The following ATF7IP variants were observed in gnomAD, a reference collection of about 807,000 sequenced individuals.
ATF7IP encodes activating transcription factor 7 interacting protein.
ATF7IP carries 23 observed loss-of-function variants against 106.4 expected under a neutral mutation model. That is an observed-to-expected ratio of 0.22 (90% CI 0.16 to 0.31). The LOEUF (loss-of-function observed/expected upper bound fraction) is 0.31. ATF7IP is among the 10% of genes least tolerant of loss of function. The pLI, the probability that ATF7IP is intolerant of heterozygous loss-of-function variation, is 1.00. For synonymous variants in ATF7IP, 542 were observed against 539.0 expected (o/e 1.01, Z -0.08); for missense variants, 1,334 against 1,524.3 (o/e 0.88, Z 2.08).
In ATF7IP at chr12:14,475,873, G is replaced by C. The variant is rs1304058068; in HGVS notation, c.2863-17G>C. 3.8e-6 allele frequency: 6 copies of C among 1,596,476 alleles called. No homozygotes were observed. In the African/African-American group the frequency reaches 8.1e-5, roughly 22 times the overall value. ...GCCAGAGTTTTCTTTGTAAAATGTA[G>C]AAGTTTTGTTTTTCAGTGTGGAAAA... On this transcript the variant is annotated splice_polypyrimidine_tract_variant and intron_variant, in intron 10 of 14. Coordinates refer to ENST00000261168, the MANE Select transcript of ATF7IP (RefSeq NM_018179.5).
Position 14,500,792 on chromosome 12 carries a change from A to G in ATF7IP, c.*2719A>G, listed in dbSNP as rs893425529. 3 of 152,258 alleles carry G rather than the reference A, an allele frequency of 2.0e-5. No homozygotes were observed. Among genetic ancestry groups the G allele is most frequent in the African/African-American group, 7.2e-5 (3 of 41,476 alleles). 9.4% of individuals were successfully genotyped at this position (152,258 alleles called of 1,614,324 possible). On this transcript the variant is annotated 3_prime_UTR_variant, in exon 15 of 15. Transcript: ENST00000261168. ...GAAGAAAGCCCAGTAGAATAAAAAA[A>G]AAATTCATTAGCCTAGCCTATATTA...
chr12:14,425,351 C>T lies in ATF7IP; in HGVS notation c.1436C>T (p.Ser479Phe). 6.2e-7 allele frequency: 1 copy of T among 1,613,068 alleles called. No homozygotes were observed. Among genetic ancestry groups the T allele is most frequent in the Non-Finnish European group, 8.5e-7 (1 of 1,179,742 alleles). The part of the protein sequence containing the change: ...EKMESSFGSP[S>F]KQESSESLPK... ...ATGGAAAGTTCTTTTGGTTCACCAT[C>T]TAAACAAGAAAGTAGTGAGAGTTTG... Residue 479 changes from serine (S) to phenylalanine (F), a missense_variant, in exon 2 of 15, where the codon TCT becomes TTT. Physicochemically the swap from Ser to Phe is radical, Grantham distance 155. Around this residue, in one of 10 missense-constraint regions of ATF7IP, gnomAD observed 41 missense variants for 60.4 expected, o/e 0.68. Coordinates refer to ENST00000261168, the MANE Select transcript of ATF7IP (RefSeq NM_018179.5).
intron 9 of ATF7IP, 53 bp downstream of exon 9, chr12:14,461,186 G>C: frequency 6.7e-7 from 1 of 1,499,256 alleles, no homozygotes; most frequent in Non-Finnish European, 9.0e-7. Flanking sequence ...TAATAGCCTT[G>C]TAATGATTGA....
chr12:14,469,420 G>A (rs554912903), intron 10 of ATF7IP, among the ~76,000 whole-genome samples: 55 of 149,842 alleles, frequency 3.7e-4, no homozygotes, highest in African/African-American at 1.3e-3. Context: ...GTGAGCTGTA[G>A]TTAATTAGCA....
At chr12:14,491,234 T>G (rs760280802) in intron 13 of ATF7IP, among the ~76,000 whole-genome samples, 1 of 152,184 alleles carries the variant, frequency 6.6e-6, no homozygotes, top group Non-Finnish European at 1.5e-5. Context: ...TCAGGTCACT[T>G]GATAAATGGG....
At chr12:14,386,183 T>C (rs1443433045) in intron 1 of ATF7IP, among the ~76,000 whole-genome samples, 1 of 152,146 alleles carries the variant, frequency 6.6e-6, no homozygotes, top group Non-Finnish European at 1.5e-5. Context: ...TGTAGTATAT[T>C]TAAAAGAAAT....
At chr12:14,431,205 T>C (rs1942104742) in intron 2 of ATF7IP, among the ~76,000 whole-genome samples, 1 of 152,182 alleles carries the variant, frequency 6.6e-6, no homozygotes, top group Non-Finnish European at 1.5e-5. Context: ...TCAAAGTGTT[T>C]GGGATTACCA....
At chr12:14,366,670 G>A (rs1328544027) in intron 1 of ATF7IP, among the ~76,000 whole-genome samples, 9 of 152,082 alleles carry the variant, frequency 5.9e-5, no homozygotes, top group Non-Finnish European at 1.5e-5. Context: ...TACTGCTTCA[G>A]CTAGATTATT....
At chr12:14,439,840 A>AATCCATCCATCCATCC (rs34509750) in intron 5 of ATF7IP, among the ~76,000 whole-genome samples, 8 of 148,606 alleles carry the variant, frequency 5.4e-5, no homozygotes, top group East Asian at 4.0e-4. Flanking sequence ...CTCCAAAATA[A>AATCCATCCATCCATCC]ATCCATCCAT....
At chr12:14,470,342 T>C (rs1300960623) in intron 10 of ATF7IP, among the ~76,000 whole-genome samples, 1 of 152,234 alleles carries the variant, frequency 6.6e-6, no homozygotes, top group African/African-American at 2.4e-5. Context: ...CATGATTAGC[T>C]AAGTTTTTAA....
At chr12:14,458,281 C>T (rs1943508376) in intron 8 of ATF7IP, among the ~76,000 whole-genome samples, 1 of 152,032 alleles carries the variant, frequency 6.6e-6, no homozygotes, top group South Asian at 2.1e-4. Flanking sequence ...ATTAAGACAG[C>T]TAAAGATAGC....
Position 14,423,930 on chromosome 12 carries a change from A to G in ATF7IP, c.15A>G (p.Glu5=). 1 of 1,602,718 alleles carries G rather than the reference A, an allele frequency of 6.2e-7. No homozygotes were observed. Among genetic ancestry groups the G allele is most frequent in the African/African-American group, 1.3e-5 (1 of 74,204 alleles). ...AAAGATTCAGAATGGACAGTTTAGA[A>G]GAACCTCAGAAAAAAGTCTTTAAGG... MDSL[E]EPQKKVFKAR... Residue 5 remains glutamate, a synonymous_variant, in exon 2 of 15, where the codon GAA becomes GAG. Transcript: ENST00000261168.
intron 1 of ATF7IP, among the ~76,000 whole-genome samples, chr12:14,374,458 G>C (rs918589774): frequency 1.1e-4 from 17 of 151,902 alleles, no homozygotes; most frequent in African/African-American, 3.9e-4. Context: ...CAGGTAAAAA[G>C]ATTGTGGTTG....
chr12:14,435,391 G>A (rs545059465), intron 3 of ATF7IP, among the ~76,000 whole-genome samples: 156 of 152,278 alleles, frequency 1.0e-3, no homozygotes, highest in African/African-American at 3.6e-3. Context: ...CAGAGGGATA[G>A]GCATGGTCAC....
chr12:14,385,453 A>G (rs532704235), intron 1 of ATF7IP: 2 of 1,493,072 alleles, frequency 1.3e-6, no homozygotes, highest in Admixed American at 2.1e-5. Flanking sequence ...TTCTTTTTTA[A>G]AAAGGAATTT....
chr12:14,489,942 C>T (rs1435124490), intron 13 of ATF7IP, among the ~76,000 whole-genome samples: 1 of 152,200 alleles, frequency 6.6e-6, no homozygotes, highest in Non-Finnish European at 1.5e-5. Flanking sequence ...GGAGAAACCT[C>T]TTCCCTTTCC....
chr12:14,480,464 A>T (rs1026817846), intron 12 of ATF7IP, among the ~76,000 whole-genome samples: 1 of 152,194 alleles, frequency 6.6e-6, no homozygotes, highest in Non-Finnish European at 1.5e-5. Context: ...TTAAAAAAAG[A>T]TAGATTGGTT....
intron 10 of ATF7IP, among the ~76,000 whole-genome samples, chr12:14,470,326 A>C (rs1943992454): frequency 6.6e-6 from 1 of 152,200 alleles, no homozygotes; most frequent in Admixed American, 6.5e-5. Context: ...GTTTTGGAAA[A>C]CGACACATGA....
chr12:14,493,563 A>G (rs966169490), intron 13 of ATF7IP, among the ~76,000 whole-genome samples: 3 of 152,132 alleles, frequency 2.0e-5, no homozygotes, highest in African/African-American at 7.2e-5. Context: ...TGTTGCCACT[A>G]CTGGGGATGG....
Sources: gnomAD v4.1 joint callset for allele counts (sites outside exome capture counted in the v4.1 genomes callset) on GRCh38, gnomAD v4.1.1 for gene constraint, gnomAD v4.1.1 regional missense constraint, MANE v1.5 for transcripts, NCBI Gene and HGNC (gene_info 2026-07-23, HGNC 2026-07-21) for gene names.